The following ITPKB variants were observed in gnomAD, a reference collection of about 807,000 sequenced individuals.
ITPKB encodes the protein IP3 3-kinase B.
In ITPKB, 13 loss-of-function variants were observed where a neutral mutation model predicts 69.4. That is an observed-to-expected ratio of 0.19 (90% confidence interval 0.12 to 0.30). The LOEUF is 0.30. Ranked by LOEUF, ITPKB falls within the 10% of genes least tolerant of loss-of-function variation. The probability of loss-of-function intolerance (pLI) is 1.00; values close to 1 mark genes in which losing one functional copy is unlikely to be tolerated. For synonymous variants in ITPKB, 584 were observed against 513.7 expected, an observed-to-expected ratio of 1.14 and a Z score of -1.85; for missense variants, 1,240 against 1,250.5, an observed-to-expected ratio of 0.99 and a Z score of 0.13.
intron 2 of ITPKB, among the ~76,000 whole-genome samples, chr1:226,731,958 T>G (rs922526602): frequency 2.0e-5 from 3 of 151,426 alleles, no homozygotes; most frequent in Middle Eastern, 3.4e-3. Flanking sequence ...GGCTTTTAAA[T>G]TTTAGTTTGG....
Position 226,736,969 on chromosome 1 carries a change from G to A in ITPKB, c.490C>T (p.Pro164Ser). Residue 164 changes from proline (P) to serine (S), a missense_variant, in exon 2 of 8, where the codon CCC becomes TCC. Around this residue, in one of 2 missense-constraint regions of ITPKB, gnomAD observed 992 missense variants for 853.8 expected, o/e 1.16. Coordinates refer to ENST00000429204, the MANE Select transcript of ITPKB (RefSeq NM_002221.4). ...GCCCTGCCCAAACGCGGGCTGCGGG[G>A]CGCTTGAATGGCGGAGCTCTGTGCC... Reference protein sequence around the residue: ...IQAQSSAIQAPRSPRLGRARS... With the variant: ...IQAQSSAIQASRSPRLGRARS... The A allele has an allele frequency of 6.2e-7, 1 of 1,612,328 alleles. No homozygotes were observed. Among genetic ancestry groups the A allele is most frequent in the African/African-American group, 1.3e-5 (1 of 75,050 alleles).
At chr1:226,707,827 T>C in intron 2 of ITPKB, 1 of 1,199,682 alleles carries the variant, frequency 8.3e-7, no homozygotes, top group Non-Finnish European at 1.1e-6. Context: ...CAGAGAGTAG[T>C]GTAGGAAGAT....
At chr1:226,737,837 T>C in intron 1 of ITPKB, among the ~76,000 whole-genome samples, 174 bp from the exon 2 acceptor site, 1 of 151,888 alleles carries the variant, frequency 6.6e-6, no homozygotes, top group African/African-American at 2.4e-5. Context: ...CCCGGCTGCC[T>C]CGGTCGCCAG....
chr1:226,637,614 G>A lies in ITPKB; in HGVS notation c.2625+65C>T. 1 of 1,302,086 alleles carries A rather than the reference G, an allele frequency of 7.7e-7. No homozygotes were observed. The highest frequency in any genetic ancestry group is 1.5e-5 in the African/African-American group (1 of 68,830). The allele number at this position is 1,302,086 out of a possible 1,614,324, so 80.7% of individuals were successfully genotyped here. Reference sequence around the variant, plus strand: ...GCCCGATGCCCCGGGCTTCTGGAAGGAGAAGGAGAAGGCCTGTTGGCACGC... The same window carrying A: ...GCCCGATGCCCCGGGCTTCTGGAAGAAGAAGGAGAAGGCCTGTTGGCACGC... On this transcript the variant is annotated intron_variant, in intron 7 of 7. Transcript: ENST00000429204. The surrounding 1 kb of genome is among the most constrained non-coding windows in gnomAD (Gnocchi z 4.3).
intron 2 of ITPKB, among the ~76,000 whole-genome samples, chr1:226,690,413 C>A (rs146903869): frequency 4.6e-5 from 7 of 152,312 alleles, no homozygotes; most frequent in African/African-American, 1.7e-4. Flanking sequence ...CAAAGAAATT[C>A]TGAGACTGGT....
chr1:226,664,878 T>G (rs900126447), intron 2 of ITPKB, among the ~76,000 whole-genome samples: 14 of 152,178 alleles, frequency 9.2e-5, no homozygotes. Context: ...ACGACGCAAA[T>G]GGACCAGAAG....
chr1:226,721,518 G>A (rs907934934), intron 2 of ITPKB, among the ~76,000 whole-genome samples: 31 of 151,360 alleles, frequency 2.0e-4, no homozygotes, highest in African/African-American at 5.3e-4. Context: ...TTTTTGAGAC[G>A]GGGTTTCGCT....
intron 2 of ITPKB, among the ~76,000 whole-genome samples, chr1:226,695,552 C>T (rs1267222373): frequency 6.6e-6 from 1 of 152,196 alleles, no homozygotes; most frequent in African/African-American, 2.4e-5. Context: ...GCAGTCCAGG[C>T]ATCTCTCACA....
chr1:226,664,060 G>A (rs1031241621), intron 2 of ITPKB, among the ~76,000 whole-genome samples: 2 of 152,202 alleles, frequency 1.3e-5, no homozygotes, highest in African/African-American at 4.8e-5. Context: ...AGATCTTAAA[G>A]CTTGGCCCCC....
Position 226,737,666 on chromosome 1 carries a change from G to C in ITPKB, c.-205-3C>G, listed in dbSNP as rs1185864560. 1 of 1,031,768 alleles carries C rather than the reference G, an allele frequency of 9.7e-7. No homozygotes were observed. Among genetic ancestry groups the C allele is most frequent in the South Asian group, 4.7e-5 (1 of 21,170 alleles). The allele number at this position is 1,031,768 out of a possible 1,614,324, so 63.9% of individuals were successfully genotyped here. A position where few individuals can be genotyped will look rare whatever the true frequency, so the allele number is the denominator to read the frequency against. Reference sequence around the variant, plus strand: ...AAGCTCCATAAACAACCGTGCGGCTGTGGAGATACAAGGAGAAAAGTCAGG... The same window carrying C: ...AAGCTCCATAAACAACCGTGCGGCTCTGGAGATACAAGGAGAAAAGTCAGG... On this transcript the variant is annotated splice_polypyrimidine_tract_variant and splice_region_variant and intron_variant, in intron 1 of 7. Coordinates refer to ENST00000429204, the MANE Select transcript of ITPKB (RefSeq NM_002221.4).
chr1:226,636,133 C>A (rs1168385994), intron 7 of ITPKB, among the ~76,000 whole-genome samples: 1 of 152,234 alleles, frequency 6.6e-6, no homozygotes, highest in East Asian at 1.9e-4. Context: ...GTGGGAACGG[C>A]TTTGAGACAG....
At chr1:226,656,346 G>A (rs1669286704) in intron 2 of ITPKB, among the ~76,000 whole-genome samples, 1 of 152,200 alleles carries the variant, frequency 6.6e-6, no homozygotes, top group Admixed American at 6.5e-5. Context: ...GGGAGGGGCT[G>A]CACTTGCCCA....
At chr1:226,667,826 ATGTGTGTGTG>A (rs3841844) in intron 2 of ITPKB, among the ~76,000 whole-genome samples, 1 of 148,386 alleles carries the variant, frequency 6.7e-6, no homozygotes, top group African/African-American at 2.5e-5. Flanking sequence ...GATGAGGAAA[ATGTGTGTGTG>A]TGTGTGTGTG....
intron 2 of ITPKB, among the ~76,000 whole-genome samples, chr1:226,688,462 C>T (rs1339942314): frequency 6.6e-6 from 1 of 152,112 alleles, no homozygotes; most frequent in Admixed American, 6.5e-5. Context: ...GTATCTTTGG[C>T]ATTAGATAGT....
At chr1:226,680,022 C>T (rs1362253057) in intron 2 of ITPKB, among the ~76,000 whole-genome samples, 2 of 152,238 alleles carry the variant, frequency 1.3e-5, no homozygotes, top group African/African-American at 4.8e-5. Context: ...TTTGGCCCAG[C>T]GTCTGCGCCT....
chr1:226,653,017 T>C (rs967265204), intron 2 of ITPKB, among the ~76,000 whole-genome samples: 2 of 152,154 alleles, frequency 1.3e-5, no homozygotes, highest in Non-Finnish European at 2.9e-5. Flanking sequence ...GAGGGCCCAT[T>C]TCTGCAGGCG....
intron 2 of ITPKB, among the ~76,000 whole-genome samples, chr1:226,681,480 TG>T (rs1035374585): frequency 6.6e-6 from 1 of 152,176 alleles, no homozygotes; most frequent in Non-Finnish European, 1.5e-5. Context: ...GGCACAGAGT[TG>T]GTAAGTGCAG....
At chr1:226,720,528 A>T (rs1657209966) in intron 2 of ITPKB, among the ~76,000 whole-genome samples, 1 of 152,222 alleles carries the variant, frequency 6.6e-6, no homozygotes, top group East Asian at 1.9e-4. Context: ...TATATGTCTC[A>T]TCCTCATCTC....
At chr1:226,702,658 T>C (rs1656697268) in intron 2 of ITPKB, among the ~76,000 whole-genome samples, 3 of 152,210 alleles carry the variant, frequency 2.0e-5, no homozygotes, top group Admixed American at 6.5e-5. Flanking sequence ...CAACTACTGG[T>C]ATTCTCTTTA....
Sources: gnomAD v4.1 joint callset for allele counts (sites outside exome capture counted in the v4.1 genomes callset) on GRCh38, gnomAD v4.1.1 for gene constraint, gnomAD v4.1.1 regional missense constraint, Gnocchi (gnomAD v3.1) non-coding constraint, MANE v1.5 for transcripts, NCBI Gene and HGNC (gene_info 2026-07-23, HGNC 2026-07-21) for gene names.